The following KIAA0825 variants were observed in gnomAD, a reference collection of about 807,000 sequenced individuals.
KIAA0825 encodes uncharacterized protein KIAA0825.
KIAA0825 carries 119 observed loss-of-function variants against 147.6 expected under a neutral mutation model. The ratio of observed to expected loss-of-function variants is 0.81; its 90% CI spans 0.69 to 0.94. The LOEUF (loss-of-function observed/expected upper bound fraction) is 0.94, where lower values mean the gene tolerates loss of function less well. Ranked by LOEUF, KIAA0825 falls within the 40% of genes least tolerant of loss-of-function variation. The pLI is 0.00. For synonymous variants in KIAA0825, 470 were observed against 518.1 expected, an observed-to-expected ratio of 0.91 and a Z score of 1.26; for missense variants, 1,381 against 1,472.7, an observed-to-expected ratio of 0.94 and a Z score of 1.02.
intron 20 of KIAA0825, among the ~76,000 whole-genome samples, chr5:94,162,824 C>T (rs1415789092): frequency 3.3e-5 from 5 of 152,082 alleles, no homozygotes; most frequent in Non-Finnish European, 7.4e-5. Context: ...TAATCTGTAC[C>T]TTTTAAGCAC....
intron 15 of KIAA0825, chr5:94,412,968 T>G (rs1426750580): frequency 6.6e-6 from 1 of 151,598 alleles, no homozygotes; most frequent in Non-Finnish European, 1.5e-5. Context: ...TTTTTTTTTT[T>G]TTTTTGAGAT....
intron 20 of KIAA0825, among the ~76,000 whole-genome samples, chr5:94,372,486 C>T (rs1267809576): frequency 6.6e-6 from 1 of 152,220 alleles, no homozygotes; most frequent in Non-Finnish European, 1.5e-5. Flanking sequence ...AGTACCAAAC[C>T]ACGTGGAAGC....
chr5:94,176,333 T>C (rs1769099697), intron 20 of KIAA0825, among the ~76,000 whole-genome samples: 1 of 152,166 alleles, frequency 6.6e-6, no homozygotes, highest in South Asian at 2.1e-4. Flanking sequence ...CATGAGGCCC[T>C]CACTGGATGT....
chr5:94,175,712 T>C (rs1270753637), intron 20 of KIAA0825, among the ~76,000 whole-genome samples: 1 of 152,208 alleles, frequency 6.6e-6, no homozygotes, highest in Non-Finnish European at 1.5e-5. Flanking sequence ...AGTTAAAGAA[T>C]TTCCTTCTAT....
chr5:94,548,334 T>A (rs1774864020), intron 2 of KIAA0825, among the ~76,000 whole-genome samples: 1 of 152,186 alleles, frequency 6.6e-6, no homozygotes, highest in Non-Finnish European at 1.5e-5. Context: ...TGTTTAGTTG[T>A]CATTAGTCTA....
At chr5:94,338,698 A>G (rs1160974289) in intron 20 of KIAA0825, among the ~76,000 whole-genome samples, 2 of 152,158 alleles carry the variant, frequency 1.3e-5, no homozygotes, top group African/African-American at 2.4e-5. Context: ...GCAACAGACT[A>G]TATCATATAG....
intron 18 of KIAA0825, 31 bp downstream of exon 18, chr5:94,391,504 T>TA: frequency 6.4e-7 from 1 of 1,551,154 alleles, no homozygotes; most frequent in Non-Finnish European, 8.7e-7. Context: ...AGTACACACC[T>TA]AATTGCTCGA....
intron 2 of KIAA0825, 32 bp downstream of exon 2, chr5:94,582,401 T>C (rs1366010592): frequency 6.6e-6 from 1 of 152,156 alleles, no homozygotes; most frequent in African/African-American, 2.4e-5. Flanking sequence ...ATAGTATAAA[T>C]TACTCAAAAT....
At chr5:94,593,416 G>T in intron 1 of KIAA0825, 2 of 855,332 alleles carry the variant, frequency 2.3e-6, no homozygotes, top group South Asian at 2.9e-5. Flanking sequence ...GAACAAAACG[G>T]AACTTGTTTT....
intron 13 of KIAA0825, among the ~76,000 whole-genome samples, chr5:94,452,014 C>G (rs1430234252): frequency 6.6e-6 from 1 of 152,108 alleles, no homozygotes; most frequent in Non-Finnish European, 1.5e-5. Context: ...CACAAGATGA[C>G]AGAGCATTGA....
intron 20 of KIAA0825, among the ~76,000 whole-genome samples, chr5:94,295,728 GT>G (rs767040340): frequency 5.9e-5 from 9 of 152,200 alleles, no homozygotes; most frequent in Admixed American, 1.3e-4. Flanking sequence ...TCCAGACCCT[GT>G]TTGACTAGGT....
intron 14 of KIAA0825, among the ~76,000 whole-genome samples, chr5:94,427,978 C>T (rs745551127): frequency 6.6e-6 from 1 of 151,808 alleles, no homozygotes; most frequent in Non-Finnish European, 1.5e-5. Flanking sequence ...TCTTTTTTGC[C>T]GTTGTTGATT....
At chr5:94,540,674 T>G (rs925844029) in intron 2 of KIAA0825, among the ~76,000 whole-genome samples, 1 of 152,240 alleles carries the variant, frequency 6.6e-6, no homozygotes, top group Non-Finnish European at 1.5e-5. Context: ...ATTTAGTTCA[T>G]GTGACTGAAG....
intron 14 of KIAA0825, among the ~76,000 whole-genome samples, chr5:94,425,482 T>C (rs946171359): frequency 4.6e-5 from 7 of 152,128 alleles, no homozygotes; most frequent in African/African-American, 1.7e-4. Flanking sequence ...CTCATGTCTA[T>C]AATGCCAAAG....
chr5:94,518,692 A>G (rs1767631369), intron 5 of KIAA0825, among the ~76,000 whole-genome samples: 1 of 152,106 alleles, frequency 6.6e-6, no homozygotes, highest in African/African-American at 2.4e-5. Context: ...TCACTTAATA[A>G]TTGTTTCATA....
intron 20 of KIAA0825, among the ~76,000 whole-genome samples, chr5:94,272,106 CAAAAAAA>C (rs70975898): frequency 2.0e-4 from 13 of 66,630 alleles, no homozygotes; most frequent in Admixed American, 4.2e-4. Context: ...TTTGTAGGAG[CAAAAAAA>C]AAAAAAAAAA....
At chr5:94,220,457 AGCATTATTTACTATACATAATTTTATGT>A (rs1256893808) in intron 20 of KIAA0825, among the ~76,000 whole-genome samples, 1 of 152,216 alleles carries the variant, frequency 6.6e-6, no homozygotes, top group African/African-American at 2.4e-5. Context: ...AATATTGTCA[AGCATTATTTACTATACATAATTTTATGT>A]GCTATACTGC....
intron 20 of KIAA0825, among the ~76,000 whole-genome samples, chr5:94,155,410 G>A (rs1393352617): frequency 1.3e-5 from 2 of 151,038 alleles, no homozygotes; most frequent in African/African-American, 2.4e-5. Flanking sequence ...GTAGAGACAG[G>A]GTCTCCCCTA....
intron 1 of KIAA0825, chr5:94,617,868 C>T (rs1433113752): frequency 6.6e-6 from 1 of 152,210 alleles, no homozygotes; most frequent in Admixed American, 6.5e-5. Flanking sequence ...GCAAGCATTC[C>T]TTTCTGAAAG....
Sources: gnomAD v4.1 joint callset for allele counts (sites outside exome capture counted in the v4.1 genomes callset) on GRCh38, gnomAD v4.1.1 for gene constraint, MANE v1.5 for transcripts, NCBI Gene and HGNC (gene_info 2026-07-23, HGNC 2026-07-21) for gene names.